Variants in LRP1B observed in about 807,000 individuals in gnomAD.
LRP1B encodes the protein low-density lipoprotein receptor-related protein 1B.
LRP1B carries 217 observed loss-of-function variants against 556.6 expected under a neutral mutation model. That is an observed-to-expected ratio of 0.39 (90% CI 0.35 to 0.44). The LOEUF (loss-of-function observed/expected upper bound fraction) is 0.44, where lower values mean the gene tolerates loss of function less well. LRP1B is among the 20% of genes least tolerant of loss of function. LRP1B has a pLI of 1.00. For missense variants in LRP1B, 5,053 were observed against 5,620.8 expected, an observed-to-expected ratio of 0.90 and a Z score of 3.23; for synonymous variants, 2,047 against 1,865.8, an observed-to-expected ratio of 1.10 and a Z score of -2.50.
chr2:141,720,358 G>C (rs968824782), intron 2 of LRP1B, among the ~76,000 whole-genome samples: 1 of 152,096 alleles, frequency 6.6e-6, no homozygotes, highest in African/African-American at 2.4e-5. Flanking sequence ...TCACTGAGTA[G>C]AGATGACCTG....
chr2:141,064,652 AG>A (rs1299922885), intron 7 of LRP1B, among the ~76,000 whole-genome samples: 4 of 152,078 alleles, frequency 2.6e-5, no homozygotes, highest in African/African-American at 9.6e-5. Flanking sequence ...ATAAAGTTGC[AG>A]CTATTGAGTG....
At chr2:141,901,498 T>C (rs978034872) in intron 1 of LRP1B, among the ~76,000 whole-genome samples, 5 of 151,982 alleles carry the variant, frequency 3.3e-5, no homozygotes, top group Non-Finnish European at 7.4e-5. Flanking sequence ...ATTTCTAGTA[T>C]TTACGGGACT....
At chr2:140,923,643 A>C (rs552536704) in intron 20 of LRP1B, among the ~76,000 whole-genome samples, 55 of 152,212 alleles carry the variant, frequency 3.6e-4, no homozygotes, top group African/African-American at 1.3e-3. Context: ...TCTTTGAAGA[A>C]TAGCATTCAA....
intron 1 of LRP1B, among the ~76,000 whole-genome samples, chr2:141,962,107 A>G (rs1285803944): frequency 2.6e-5 from 4 of 151,764 alleles, no homozygotes; most frequent in South Asian, 4.1e-4. Context: ...AACCTACAAA[A>G]ATGACAATTT....
At chr2:141,896,692 A>G (rs1467778027) in intron 1 of LRP1B, among the ~76,000 whole-genome samples, 1 of 152,196 alleles carries the variant, frequency 6.6e-6, no homozygotes, top group Non-Finnish European at 1.5e-5. Context: ...AATGTAATAT[A>G]TTTAGATTTT....
chr2:141,123,965 A>AT lies in LRP1B; in HGVS notation c.1014-61693dup, dbSNP rs1182616646. On this transcript the variant is annotated intron_variant, in intron 7 of 90. Transcript: ENST00000389484. ...TAAGTGATAGAGTAAATTGTTAGTT[A>AT]TTTTTTGGAAGAAGAAATGAATATG... Among the ~76,000 whole-genome samples, 21 of 152,260 alleles carry AT rather than the reference A, an allele frequency of 1.4e-4. 1 individual carries two copies. The South Asian group carries it at 4.1e-3, about 30-fold the overall frequency.
At position 140,541,866 on chromosome 2, in the gene LRP1B, A is replaced by C. The variant is rs1241082903; in HGVS notation, c.7300T>G (p.Tyr2434Asp). The C allele has an allele frequency of 3.1e-6, 5 of 1,612,856 alleles. No homozygotes were observed. The highest frequency in any genetic ancestry group is 3.4e-6 in the Non-Finnish European group (4 of 1,179,252). The change falls in exon 44 of 91, where the codon TAC (tyrosine) becomes GAC (aspartate). Residue 2434 changes from tyrosine (Y) to aspartate (D), a missense_variant. By Grantham distance (160) the Tyr-to-Asp change is radical. Around this residue, in one of 5 missense-constraint regions of LRP1B, gnomAD observed 3,619 missense variants for 3,931.9 expected, o/e 0.92. Transcript: ENST00000389484. ...GRRAILRSNK[Y>D]TGGDTKILRS... ...AGAATTTTTGTATCTCCTCCTGTGTACTTGTTGGACCGCAGTATAGCTCTT... is the reference window on the plus strand; with the variant it reads ...AGAATTTTTGTATCTCCTCCTGTGTCCTTGTTGGACCGCAGTATAGCTCTT...
chr2:140,747,525 T>C (rs77676216), intron 35 of LRP1B, among the ~76,000 whole-genome samples: 9,906 of 152,204 alleles, frequency 0.065, 433 homozygotes, highest in Middle Eastern at 0.12. Flanking sequence ...GCTGCTCAGA[T>C]TGGAGTGGAG....
At chr2:140,849,937 A>G (rs1193307131) in intron 29 of LRP1B, among the ~76,000 whole-genome samples, 165 bp downstream of exon 29, 1 of 152,222 alleles carries the variant, frequency 6.6e-6, no homozygotes, top group Non-Finnish European at 1.5e-5. Flanking sequence ...TAATTATACC[A>G]TTCTACAATA....
chr2:141,054,690 C>T (rs1407129841), intron 10 of LRP1B, among the ~76,000 whole-genome samples: 1 of 151,858 alleles, frequency 6.6e-6, no homozygotes, highest in Non-Finnish European at 1.5e-5. Flanking sequence ...TGAATTCACT[C>T]CCCAGTGATG....
intron 2 of LRP1B, among the ~76,000 whole-genome samples, chr2:141,534,511 G>A (rs762540903): frequency 6.6e-6 from 1 of 152,124 alleles, no homozygotes; most frequent in Admixed American, 6.6e-5. Context: ...TGTCGTGAGT[G>A]TATTAATTCC....
At position 140,985,604 on chromosome 2, in the gene LRP1B, G is replaced by A. The variant is rs867190596; in HGVS notation, c.2771-3328C>T. On this transcript the variant is annotated intron_variant, in intron 17 of 90. Coordinates refer to ENST00000389484, the MANE Select transcript of LRP1B (RefSeq NM_018557.3). ...AATATTCTGGATGTTGACAGAGAAC[G>A]GCTACCAACACCCTGACTGTGTCCA... Among the ~76,000 whole-genome samples the A allele has an allele frequency of 5.3e-5, 8 of 151,902 alleles. No individual in the cohort carries two copies. The East Asian group carries it at 5.8e-4, about 11-fold the overall frequency.
chr2:141,866,312 G>C (rs1698412499), intron 1 of LRP1B, among the ~76,000 whole-genome samples: 1 of 152,112 alleles, frequency 6.6e-6, no homozygotes, highest in Non-Finnish European at 1.5e-5. Flanking sequence ...CTAGTCTACA[G>C]CTTCTTCATT....
intron 2 of LRP1B, among the ~76,000 whole-genome samples, chr2:141,670,158 T>C (rs1690608868): frequency 6.6e-6 from 1 of 152,204 alleles, no homozygotes. Flanking sequence ...ATTTTTATTT[T>C]TTTCTGATTT....
intron 41 of LRP1B, chr2:140,683,362 C>T: frequency 2.0e-6 from 1 of 492,384 alleles, no homozygotes; most frequent in Non-Finnish European, 4.0e-6. Context: ...CACACACAAT[C>T]TTCAGCATCA....
intron 41 of LRP1B, among the ~76,000 whole-genome samples, chr2:140,628,386 A>C (rs571031886): frequency 2.0e-5 from 3 of 152,054 alleles, no homozygotes; most frequent in African/African-American, 7.2e-5. Context: ...AAAAAAAATA[A>C]ATTAGCCGGG....
intron 7 of LRP1B, among the ~76,000 whole-genome samples, chr2:141,141,464 G>A (rs889345858): frequency 2.0e-5 from 3 of 152,074 alleles, no homozygotes; most frequent in Non-Finnish European, 4.4e-5. Context: ...CTTTTTAAAG[G>A]ATTTATTCAT....
intron 3 of LRP1B, among the ~76,000 whole-genome samples, chr2:141,270,880 GTATAAATGTAC>G (rs1217638965): frequency 8.6e-5 from 13 of 150,694 alleles, no homozygotes; most frequent in Admixed American, 2.6e-4. Context: ...TTGCACAACA[GTATAAATGTAC>G]TTAATACCAC....
intron 41 of LRP1B, among the ~76,000 whole-genome samples, chr2:140,606,274 T>G (rs1388617588): frequency 6.6e-6 from 1 of 151,838 alleles, no homozygotes; most frequent in Non-Finnish European, 1.5e-5. Flanking sequence ...TAATATAATT[T>G]TAAAATATAG....
Sources: gnomAD v4.1 joint callset for allele counts (sites outside exome capture counted in the v4.1 genomes callset) on GRCh38, gnomAD v4.1.1 for gene constraint, gnomAD v4.1.1 regional missense constraint, MANE v1.5 for transcripts, NCBI Gene and HGNC (gene_info 2026-07-23, HGNC 2026-07-21) for gene names.